MRPS10: variants seen among roughly 807,000 people sequenced by gnomAD.
MRPS10 encodes mitochondrial ribosomal protein S10, also known as small ribosomal subunit protein uS10m.
A neutral mutation model predicts 27.5 loss-of-function variants in MRPS10; 23 were observed. The ratio of observed to expected loss-of-function variants is 0.84; its 90% CI spans 0.60 to 1.18. MRPS10 has a LOEUF of 1.18. MRPS10 is among the 50% of genes most tolerant of loss of function. The probability of loss-of-function intolerance (pLI) is 0.00; values close to 1 mark genes in which losing one functional copy is unlikely to be tolerated. For missense variants in MRPS10, 237 were observed against 240.1 expected, an observed-to-expected ratio of 0.99 and a Z score of 0.09; for synonymous variants, 88 against 84.2, an observed-to-expected ratio of 1.04 and a Z score of -0.25.
intron 5 of MRPS10, 46 bp from the exon 6 acceptor site, chr6:42,208,993 A>C: frequency 7.6e-7 from 1 of 1,314,634 alleles, no homozygotes; most frequent in Non-Finnish European, 1.1e-6. Context: ...TGTTTGTTAA[A>C]GCACGGTTTT....
In MRPS10 at chr6:42,207,744, G is replaced by A. The variant is rs1471136755; in HGVS notation, c.*545C>T. On this transcript the variant is annotated 3_prime_UTR_variant, in exon 7 of 7. Transcript: ENST00000053468. Reference sequence around the variant, plus strand: ...GAAGAGGTCAGTGCATGCCATAAATGTGTTTGATCTGCTGTGAAGTATATT... The same window carrying A: ...GAAGAGGTCAGTGCATGCCATAAATATGTTTGATCTGCTGTGAAGTATATT... The A allele has an allele frequency of 6.5e-6, 1 of 153,546 alleles. No individual in the cohort carries two copies. Among genetic ancestry groups the A allele is most frequent in the Non-Finnish European group, 1.4e-5 (1 of 69,124 alleles). 9.5% of individuals were successfully genotyped at this position (153,546 alleles called of 1,614,324 possible).
chr6:42,211,811 G>C lies in MRPS10; in HGVS notation c.293C>G (p.Ala98Gly). The C allele has an allele frequency of 6.2e-7, 1 of 1,613,848 alleles. No individual in the cohort carries two copies. The highest frequency in any genetic ancestry group is 8.5e-7 in the Non-Finnish European group (1 of 1,179,940). Reference sequence around the variant, plus strand: ...AATAGAGATACCAAGTTCTTTAGCAGCAAGCACAGCAAAATATTCATAACT... The same window carrying C: ...AATAGAGATACCAAGTTCTTTAGCACCAAGCACAGCAAAATATTCATAACT... Reference protein sequence around the residue: ...LDSYEYFAVLAAKELGISIKV... With the variant: ...LDSYEYFAVLGAKELGISIKV... Residue 98 changes from alanine to glycine, a missense_variant, in exon 4 of 7, where the codon GCT becomes GGT. Ala to Gly is a moderately conservative substitution (Grantham distance 60). This residue lies in a region of MRPS10 where 164 missense variants were observed against 137.8 expected (regional missense o/e 1.19). Transcript: ENST00000053468.
chr6:42,213,318 G>A (rs539891885), intron 3 of MRPS10, among the ~76,000 whole-genome samples: 30 of 152,154 alleles, frequency 2.0e-4, no homozygotes, highest in Non-Finnish European at 3.2e-4. Context: ...GCATGGTGGT[G>A]TGTGCCTGTA....
intron 5 of MRPS10, 28 bp from the exon 6 acceptor site, chr6:42,208,975 A>G (rs1226221083): frequency 6.9e-7 from 1 of 1,454,736 alleles, no homozygotes; most frequent in Non-Finnish European, 9.5e-7. Flanking sequence ...AAAATGTTTC[A>G]TGTAAGCTGT....
intron 1 of MRPS10, among the ~76,000 whole-genome samples, chr6:42,215,752 T>C (rs186047897): frequency 2.0e-4 from 31 of 152,296 alleles, no homozygotes; most frequent in African/African-American, 6.7e-4. Context: ...TCTTAGCTTA[T>C]TGTCCTTCCT....
intron 4 of MRPS10, 80 bp downstream of exon 4, chr6:42,211,701 C>T: frequency 8.8e-7 from 1 of 1,137,714 alleles, no homozygotes; most frequent in African/African-American, 1.6e-5. Flanking sequence ...AGAGTTCAGA[C>T]CTTCCTGGGA....
In MRPS10 at chr6:42,207,943, G is replaced by C. The variant is rs566885167; in HGVS notation, c.*346C>G. Reference sequence around the variant, plus strand: ...AAAAATAAGGGTACGAACACTCCAAGCACTTATTTTCAGATGCATCAACTG... The same window carrying C: ...AAAAATAAGGGTACGAACACTCCAACCACTTATTTTCAGATGCATCAACTG... On this transcript the variant is annotated 3_prime_UTR_variant, in exon 7 of 7. Transcript: ENST00000053468. 2 of 255,554 alleles carry C rather than the reference G, an allele frequency of 7.8e-6. No homozygotes were observed. Among genetic ancestry groups the C allele is most frequent in the South Asian group, 9.8e-5 (2 of 20,420 alleles). 15.8% of individuals were successfully genotyped at this position (255,554 alleles called of 1,614,324 possible). A position where few individuals can be genotyped will look rare whatever the true frequency, so the allele number is the denominator to read the frequency against.
At chr6:42,216,721 G>C (rs1437591411) in intron 1 of MRPS10, among the ~76,000 whole-genome samples, 2 of 151,998 alleles carry the variant, frequency 1.3e-5, no homozygotes, top group African/African-American at 4.8e-5. Context: ...TGAGGTAGGA[G>C]AATCACTTGA....
In MRPS10 at chr6:42,217,830, A is replaced by C; in HGVS notation, c.20T>G (p.Phe7Cys). MAARTAFGAVCRRLWQG... is the reference protein window; with the variant it reads MAARTACGAVCRRLWQG... ...CCAGAGGCGCCGGCACACAGCACCG[A>C]ACGCTGTCCGCGCCGCCATCTTGCC... is the stretch of plus-strand genomic sequence containing the variant. The change falls in exon 1 of 7, where the codon TTC becomes TGC. Residue 7 changes from phenylalanine (F) to cysteine (C), a missense_variant. Phe to Cys is a radical substitution (Grantham distance 205). Around this residue, in one of 3 missense-constraint regions of MRPS10, gnomAD observed 164 missense variants for 137.8 expected, o/e 1.19. Transcript: ENST00000053468. The C allele has an allele frequency of 6.2e-7, 1 of 1,614,114 alleles. No homozygotes were observed. Among genetic ancestry groups the C allele is most frequent in the Non-Finnish European group, 8.5e-7 (1 of 1,179,996 alleles).
intron 5 of MRPS10, among the ~76,000 whole-genome samples, chr6:42,209,197 C>A (rs1012498201): frequency 8.7e-6 from 1 of 115,296 alleles, no homozygotes; most frequent in African/African-American, 2.6e-5. Flanking sequence ...GGGGTTTCAT[C>A]ATGTTGGCCA....
rs1269187298 is a variant in MRPS10, at chr6:42,206,900, T to C, written c.*1389A>G. The C allele has an allele frequency of 6.6e-6, 1 of 152,056 alleles. No individual in the cohort carries two copies. Among genetic ancestry groups the C allele is most frequent in the Non-Finnish European group, 1.5e-5 (1 of 68,028 alleles). The allele number at this position is 152,056 out of a possible 1,614,324, so 9.4% of individuals were successfully genotyped here. ...ATGTATTCAACACACTGATACCTGA[T>C]AGCATGTCAGGAAAAAAGAATAGGC... On this transcript the variant is annotated 3_prime_UTR_variant, in exon 7 of 7. Coordinates refer to ENST00000053468, the MANE Select transcript of MRPS10 (RefSeq NM_018141.4).
At position 42,208,141 on chromosome 6, in the gene MRPS10, C is replaced by T. The variant is rs1211645117; in HGVS notation, c.*148G>A. On this transcript the variant is annotated 3_prime_UTR_variant, in exon 7 of 7. Transcript: ENST00000053468. Reference sequence around the variant, plus strand: ...GTGGTTCTTCCATTAAAGTTCCATTCCCTGCCCTCAGCTGATGAGGGCACG... The same window carrying T: ...GTGGTTCTTCCATTAAAGTTCCATTTCCTGCCCTCAGCTGATGAGGGCACG... The T allele has an allele frequency of 1.5e-6, 1 of 658,678 alleles. No homozygotes were observed. The highest frequency in any genetic ancestry group is 1.9e-5 in the African/African-American group (1 of 52,890). 40.8% of individuals were successfully genotyped at this position (658,678 alleles called of 1,614,324 possible).
chr6:42,210,101 G>T lies in MRPS10; in HGVS notation c.432+387C>A, dbSNP rs989206275. On this transcript the variant is annotated intron_variant, in intron 5 of 6. Transcript: ENST00000053468. The stretch of plus-strand genomic sequence containing the variant: ...AGCACACGACTGTGCTGGCACTAAT[G>T]GAAGCACAAATGAGTAACAGATGAA... Among the ~76,000 whole-genome samples, 3 of 152,196 alleles carry T rather than the reference G, an allele frequency of 2.0e-5. No homozygotes were observed. In the East Asian group the frequency reaches 5.8e-4, roughly 29 times the overall value.
At chr6:42,214,253 A>G (rs1347932027) in intron 2 of MRPS10, 27 bp downstream of exon 2, 23 of 1,610,374 alleles carry the variant, frequency 1.4e-5, no homozygotes, top group Admixed American at 1.2e-4. Flanking sequence ...ATTTTGTTCA[A>G]TTTAGCACAT....
Position 42,207,205 on chromosome 6 carries a change from C to G in MRPS10, c.*1084G>C, listed in dbSNP as rs1768617972. The G allele has an allele frequency of 1.3e-5, 2 of 150,558 alleles. No individual in the cohort carries two copies. The highest frequency in any genetic ancestry group is 2.9e-5 in the Non-Finnish European group (2 of 67,826). The allele number at this position is 150,558 out of a possible 1,614,324, so 9.3% of individuals were successfully genotyped here. A position where few individuals can be genotyped will look rare whatever the true frequency, so the allele number is the denominator to read the frequency against. On this transcript the variant is annotated 3_prime_UTR_variant, in exon 7 of 7. Transcript: ENST00000053468. ...GAAGCTTAATAAAGAAAAATATTTA[C>G]CTATGCTTTGCACAATTTTCTTTTT... is the stretch of plus-strand genomic sequence containing the variant.
chr6:42,210,447 T>C (rs749577636), intron 5 of MRPS10, 41 bp downstream of exon 5: 8 of 997,846 alleles, frequency 8.0e-6, no homozygotes, highest in South Asian at 5.2e-5. Flanking sequence ...GTGTGAATTT[T>C]TGGTATTTCA....
Position 42,208,903 on chromosome 6 carries a change from A to G in MRPS10, c.477T>C (p.Tyr159=), listed in dbSNP as rs758862203. ...TGSTADVYLE[Y]IQRNLPEGVA... ...CCCCTTCAGGTAAGTTTCGCTGAAT[A>G]TATTCCAAGTAGACATCTGCTGTGC... is the stretch of plus-strand genomic sequence containing the variant. Residue 159 remains tyrosine (Y), a synonymous_variant, in exon 6 of 7, where the codon TAT becomes TAC. Transcript: ENST00000053468. 7.4e-6 allele frequency: 12 copies of G among 1,612,512 alleles called. No individual in the cohort carries two copies. The highest frequency in any genetic ancestry group is 7.6e-6 in the Non-Finnish European group (9 of 1,178,900).
At chr6:42,208,770 G>T (rs1166850626) in intron 6 of MRPS10, 88 bp downstream of exon 6, 2 of 910,640 alleles carry the variant, frequency 2.2e-6, no homozygotes, top group Non-Finnish European at 3.4e-6. Context: ...TACTCAGTGG[G>T]CCAGGACCAG....
intron 6 of MRPS10, 90 bp downstream of exon 6, chr6:42,208,768 G>T: frequency 1.1e-6 from 1 of 888,598 alleles, no homozygotes; most frequent in South Asian, 1.6e-5. Flanking sequence ...TCTACTCAGT[G>T]GGCCAGGACC....
Sources: allele counts gnomAD v4.1 joint callset (sites outside exome capture counted in the v4.1 genomes callset), GRCh38; gene constraint gnomAD v4.1.1; regional missense constraint gnomAD v4.1.1; transcripts MANE v1.5; gene names NCBI Gene and HGNC (gene_info 2026-07-23, HGNC 2026-07-21).